STARD13: variants seen among roughly 807,000 people sequenced by gnomAD.
STARD13 encodes the protein stAR-related lipid transfer protein 13.
STARD13 carries 62 observed loss-of-function variants against 106.4 expected under a neutral mutation model. The ratio of observed to expected loss-of-function variants is 0.58; its 90% CI spans 0.48 to 0.72. STARD13 has a LOEUF of 0.72. STARD13 is among the 30% of genes least tolerant of loss of function. STARD13 has a pLI of 0.00. For synonymous variants in STARD13, 565 were observed against 553.0 expected (o/e 1.02, Z -0.31); for missense variants, 1,387 against 1,424.0 (o/e 0.97, Z 0.42).
chr13:33,651,268 T>C, the STARD13 span, among the ~76,000 whole-genome samples: 9 of 152,252 alleles, frequency 5.9e-5, no homozygotes, highest in Admixed American at 2.0e-4. Flanking sequence ...TCACAGTTAT[T>C]GTCTCGAATT....
the STARD13 span, among the ~76,000 whole-genome samples, chr13:33,626,897 A>G: frequency 1.3e-5 from 2 of 152,248 alleles, no homozygotes; most frequent in African/African-American, 4.8e-5. Context: ...AAATGACAAG[A>G]TTTGTCCTGC....
the STARD13 span, among the ~76,000 whole-genome samples, chr13:33,536,346 C>T: frequency 6.6e-6 from 1 of 151,942 alleles, no homozygotes; most frequent in African/African-American, 2.4e-5. Flanking sequence ...TTTAATTGTT[C>T]CAAACTGCAT....
At chr13:33,288,841 C>A (rs1892178086), upstream of STARD13, among the ~76,000 whole-genome samples, 1 of 152,144 alleles carries the variant, frequency 6.6e-6, no homozygotes, top group East Asian at 1.9e-4. Flanking sequence ...ATATTTAAAG[C>A]AAATATGTAA....
intron 1 of STARD13, among the ~76,000 whole-genome samples, chr13:33,338,324 G>A (rs145431241): frequency 1.1e-4 from 17 of 152,234 alleles, no homozygotes; most frequent in African/African-American, 3.9e-4. Context: ...AGTTAAATGG[G>A]ACCTTAGAGA....
chr13:33,409,205 G>A, the STARD13 span, among the ~76,000 whole-genome samples: 2 of 151,980 alleles, frequency 1.3e-5, no homozygotes, highest in South Asian at 2.1e-4. Flanking sequence ...ATTTTTGTAC[G>A]ATTTATATAT....
intron 12 of STARD13, among the ~76,000 whole-genome samples, chr13:33,108,172 A>ATT (rs1330640448): frequency 1.3e-5 from 2 of 152,228 alleles, no homozygotes; most frequent in Admixed American, 1.3e-4. Flanking sequence ...GTGACATGAG[A>ATT]GACAAATGCA....
chr13:33,423,409 A>G, the STARD13 span, among the ~76,000 whole-genome samples: 1 of 152,226 alleles, frequency 6.6e-6, no homozygotes, highest in Non-Finnish European at 1.5e-5. Context: ...ATCTCACACC[A>G]GTTAGAATGG....
At chr13:33,121,175 A>G (rs1876230526) in intron 7 of STARD13, among the ~76,000 whole-genome samples, 1 of 152,262 alleles carries the variant, frequency 6.6e-6, no homozygotes, top group Non-Finnish European at 1.5e-5. Flanking sequence ...TTTCTAAGGC[A>G]TAGAGAGATC....
At chr13:33,228,430 C>A (rs1056049730) in intron 1 of STARD13, among the ~76,000 whole-genome samples, 4 of 151,000 alleles carry the variant, frequency 2.6e-5, no homozygotes, top group Non-Finnish European at 5.9e-5. Context: ...GAGTACAGTT[C>A]ATTTACAGTG....
At chr13:33,189,375 G>A (rs1159008455) in intron 1 of STARD13, among the ~76,000 whole-genome samples, 1 of 133,014 alleles carries the variant, frequency 7.5e-6, no homozygotes, top group Non-Finnish European at 1.6e-5. Context: ...AGGGCAGGAA[G>A]GGAACGACAA....
At chr13:33,597,391 T>C in the STARD13 span, among the ~76,000 whole-genome samples, 1 of 148,274 alleles carries the variant, frequency 6.7e-6, no homozygotes, top group African/African-American at 2.5e-5. Flanking sequence ...TGGGTTTCTC[T>C]TTTTTTTTTG....
chr13:33,672,386 G>A, the STARD13 span, among the ~76,000 whole-genome samples: 1 of 152,126 alleles, frequency 6.6e-6, no homozygotes. Context: ...CAAGGGGAGG[G>A]AGAGCATTAG....
At chr13:33,480,737 A>T in the STARD13 span, among the ~76,000 whole-genome samples, 6 of 152,164 alleles carry the variant, frequency 3.9e-5, no homozygotes, top group African/African-American at 1.4e-4. Flanking sequence ...AAGGCTTAGA[A>T]ACAATGACTA....
At chr13:33,187,818 G>A (rs1466936062) in intron 1 of STARD13, among the ~76,000 whole-genome samples, 1 of 152,078 alleles carries the variant, frequency 6.6e-6, no homozygotes, top group African/African-American at 2.4e-5. Flanking sequence ...AAGTAGCTGG[G>A]ATTACAGACC....
At chr13:33,451,811 G>A in the STARD13 span, among the ~76,000 whole-genome samples, 2 of 152,138 alleles carry the variant, frequency 1.3e-5, no homozygotes, top group Non-Finnish European at 2.9e-5. Flanking sequence ...AGAGAAGAAA[G>A]TGATATGGTA....
rs202221660 is a variant in STARD13 at position 33,142,306 on chromosome 13, C to G, written c.387+4G>C. The G allele has an allele frequency of 1.2e-6, 2 of 1,612,908 alleles. No individual in the cohort carries two copies. Reference sequence around the variant, plus strand: ...CACATTCTTATTAAGGTGTGGGCACCTACCTTTTTCCTTTGGAAGTTCACA... The same window carrying G: ...CACATTCTTATTAAGGTGTGGGCACGTACCTTTTTCCTTTGGAAGTTCACA... On this transcript the variant is annotated splice_donor_region_variant and intron_variant, in intron 4 of 13. Coordinates refer to ENST00000336934, the MANE Select transcript of STARD13 (RefSeq NM_178006.4).
chr13:33,320,987 A>G (rs1328408953), intron 1 of STARD13, among the ~76,000 whole-genome samples: 2 of 152,304 alleles, frequency 1.3e-5, no homozygotes, highest in East Asian at 3.9e-4. Flanking sequence ...TAATTTCTAG[A>G]TTTCAGAGAC....
intron 1 of STARD13, among the ~76,000 whole-genome samples, chr13:33,183,471 T>G (rs1178000697): frequency 2.6e-5 from 4 of 152,244 alleles, no homozygotes; most frequent in Non-Finnish European, 5.9e-5. Flanking sequence ...CTTTTTTCTC[T>G]CTTGGTCTGA....
chr13:33,634,721 G>GCACACA, the STARD13 span, among the ~76,000 whole-genome samples: 1 of 147,566 alleles, frequency 6.8e-6, no homozygotes, highest in African/African-American at 2.7e-5. Context: ...ACACACACAT[G>GCACACA]CACACACACA....
Sources: gnomAD v4.1 joint callset for allele counts (sites outside exome capture counted in the v4.1 genomes callset) on GRCh38, gnomAD v4.1.1 for gene constraint, MANE v1.5 for transcripts, NCBI Gene and HGNC (gene_info 2026-07-23, HGNC 2026-07-21) for gene names.